The following ERI1 variants were observed in gnomAD, a reference collection of about 807,000 sequenced individuals.
ERI1 encodes the protein exoribonuclease 1, also known as 3'-5' exoribonuclease 1.
A neutral mutation model predicts 39.7 loss-of-function variants in ERI1; 39 were observed. The ratio of observed to expected loss-of-function variants is 0.98; its 90% CI spans 0.76 to 1.28. ERI1 has a LOEUF of 1.28. ERI1 is among the 50% of genes most tolerant of loss of function. The pLI is 0.00. For synonymous variants in ERI1, 204 were observed against 149.6 expected (o/e 1.36, Z -2.65); for missense variants, 581 against 416.9 (o/e 1.39, Z -3.43).
At chr8:9,063,558 A>G (rs1185313131) in intron 3 of ERI1, among the ~76,000 whole-genome samples, 1 of 152,112 alleles carries the variant, frequency 6.6e-6, no homozygotes, top group Non-Finnish European at 1.5e-5. Flanking sequence ...TAGAAAAGGA[A>G]GATTAGAAAG....
chr8:9,016,606 T>G (rs1272942753), intron 4 of ERI1, among the ~76,000 whole-genome samples: 1 of 152,224 alleles, frequency 6.6e-6, no homozygotes, highest in African/African-American at 2.4e-5. Flanking sequence ...CCTTTCCTCT[T>G]AAGGAGTTGT....
intron 3 of ERI1, among the ~76,000 whole-genome samples, chr8:9,046,963 A>G (rs1383866975): frequency 1.3e-5 from 2 of 152,208 alleles, no homozygotes; most frequent in African/African-American, 2.4e-5. Context: ...AGGCTGGCAG[A>G]GGTCTGTGAA....
intron 3 of ERI1, among the ~76,000 whole-genome samples, chr8:9,064,304 G>A (rs1798799333): frequency 6.6e-6 from 1 of 151,940 alleles, no homozygotes; most frequent in African/African-American, 2.4e-5. Flanking sequence ...AGAAGGAGTT[G>A]GGGGGTTCTT....
chr8:9,040,707 C>T (rs1300000073), intron 3 of ERI1, among the ~76,000 whole-genome samples: 2 of 146,438 alleles, frequency 1.4e-5, no homozygotes, highest in Non-Finnish European at 3.0e-5. Flanking sequence ...AAAATGTTTT[C>T]ATCAGTAATA....
chr8:9,054,226 C>A (rs1052716694), intron 3 of ERI1, among the ~76,000 whole-genome samples: 1 of 152,218 alleles, frequency 6.6e-6, no homozygotes, highest in African/African-American at 2.4e-5. Flanking sequence ...ATTTTGGACT[C>A]ATGGCAGGCT....
intron 3 of ERI1, among the ~76,000 whole-genome samples, chr8:9,089,398 C>G (rs976668845): frequency 6.6e-6 from 1 of 152,198 alleles, no homozygotes; most frequent in Non-Finnish European, 1.5e-5. Flanking sequence ...AGCTACCACA[C>G]GCAGCCTGGA....
At position 9,029,950 on chromosome 8, in the gene ERI1, G is replaced by T. The variant is rs1350887894; in HGVS notation, c.966G>T (p.Met322Ile). Residue 322 changes from methionine to isoleucine, a missense_variant, in exon 7 of 7, where the codon ATG becomes ATT. Physicochemically the swap from Met to Ile is conservative, Grantham distance 10. Transcript: ENST00000250263. The stretch of plus-strand genomic sequence containing the variant: ...GTGAACTCCGAATCAACGAGAAAAT[G>T]CATGCAGGACAGCTAATGAGTGTGT... ...DGCELRINEKMHAGQLMSVSS... is the reference protein window; with the variant it reads ...DGCELRINEKIHAGQLMSVSS... 1 of 1,614,154 alleles carries T rather than the reference G, an allele frequency of 6.2e-7. No homozygotes were observed. Among genetic ancestry groups the T allele is most frequent in the Non-Finnish European group, 8.5e-7 (1 of 1,180,020 alleles).
At chr8:9,022,413 G>C (rs765632540) in intron 6 of ERI1, among the ~76,000 whole-genome samples, 12 of 151,930 alleles carry the variant, frequency 7.9e-5, no homozygotes, top group African/African-American at 2.9e-4. Flanking sequence ...TGGTTTATTT[G>C]TCTTTGAGAT....
At position 9,012,778 on chromosome 8, in the gene ERI1, A is replaced by G. The variant is rs148311514; in HGVS notation, c.498+1026A>G. Among the ~76,000 whole-genome samples, 274 of 152,308 alleles carry G rather than the reference A, an allele frequency of 1.8e-3. 11 individuals are homozygous for G. In the East Asian group the frequency reaches 0.047, roughly 26 times the overall value. Reference sequence around the variant, plus strand: ...ATGTTATATTTTTCACACTGTGTAAAAACTTCATCCCACTTCACTGCCAGC... The same window carrying G: ...ATGTTATATTTTTCACACTGTGTAAGAACTTCATCCCACTTCACTGCCAGC... On this transcript the variant is annotated intron_variant, in intron 3 of 6. Transcript: ENST00000250263.
At chr8:9,093,865 T>C (rs1421225742) in intron 3 of ERI1, among the ~76,000 whole-genome samples, 1 of 152,142 alleles carries the variant, frequency 6.6e-6, no homozygotes, top group East Asian at 1.9e-4. Context: ...GCGTGAGCCA[T>C]CATGCCTGGC....
Position 9,029,603 on chromosome 8 carries a change from T to C in ERI1, c.808-189T>C, listed in dbSNP as rs113169625. 9.2e-3 allele frequency among the ~76,000 whole-genome samples: 1,395 copies of C among 152,340 alleles called. 20 individuals are homozygous for C. The highest frequency in any genetic ancestry group is 0.032 in the African/African-American group (1,313 of 41,574). ...ACCTTGGCCTCCCAAAGTGCTGAGATTACAGGCGTGAGCCACCTTGCCTGG... is the reference window on the plus strand; with the variant it reads ...ACCTTGGCCTCCCAAAGTGCTGAGACTACAGGCGTGAGCCACCTTGCCTGG... On this transcript the variant is annotated intron_variant, in intron 6 of 6. Coordinates refer to ENST00000250263, the MANE Select transcript of ERI1 (RefSeq NM_153332.4).
rs534357069 is a variant in ERI1 at position 9,051,709 on chromosome 8, C to G, written n.299+31245C>G. Reference sequence around the variant, plus strand: ...GGGAAACGCCTTCCTCTTGGTCCTGCCTAGAACCACTTCTTTAGTTTTTCT... The same window carrying G: ...GGGAAACGCCTTCCTCTTGGTCCTGGCTAGAACCACTTCTTTAGTTTTTCT... On this transcript the variant is annotated intron_variant and non_coding_transcript_variant, in intron 3 of 3. Coordinates refer to the ERI1 transcript ENST00000518663. Among the ~76,000 whole-genome samples the G allele has an allele frequency of 2.3e-4, 35 of 151,144 alleles. 1 individual carries two copies. In the South Asian group the frequency reaches 7.1e-3, roughly 31 times the overall value.
chr8:9,092,817 C>A (rs1438021190), intron 3 of ERI1, among the ~76,000 whole-genome samples: 1 of 152,166 alleles, frequency 6.6e-6, no homozygotes, highest in Non-Finnish European at 1.5e-5. Flanking sequence ...TTCTTAGGTC[C>A]CAGAATTGTA....
chr8:9,041,406 A>C (rs1038117326), intron 3 of ERI1, among the ~76,000 whole-genome samples: 1 of 152,184 alleles, frequency 6.6e-6, no homozygotes, highest in African/African-American at 2.4e-5. Context: ...CGGCACATGG[A>C]ACATTCTCCA....
At chr8:9,074,064 G>T (rs1353287674) in intron 3 of ERI1, among the ~76,000 whole-genome samples, 1 of 151,940 alleles carries the variant, frequency 6.6e-6, no homozygotes, top group Non-Finnish European at 1.5e-5. Context: ...GGGATTACAG[G>T]TGTATAAGCC....
At chr8:9,060,408 G>T (rs1326412120) in intron 3 of ERI1, among the ~76,000 whole-genome samples, 1 of 152,064 alleles carries the variant, frequency 6.6e-6, no homozygotes, top group African/African-American at 2.4e-5. Context: ...CTGGTGGGGG[G>T]CGGGGGCAAA....
At chr8:9,061,148 C>A (rs1263768088) in intron 3 of ERI1, among the ~76,000 whole-genome samples, 1 of 152,168 alleles carries the variant, frequency 6.6e-6, no homozygotes, top group East Asian at 1.9e-4. Context: ...CATAGCCTGC[C>A]TTTGCTGATG....
chr8:9,020,687 A>G (rs1049039578), intron 6 of ERI1, among the ~76,000 whole-genome samples: 1 of 152,286 alleles, frequency 6.6e-6, no homozygotes, highest in East Asian at 1.9e-4. Flanking sequence ...ATACCTGACA[A>G]GTTTGAAACT....
rs150909839 is a variant in ERI1, at chr8:9,079,343, C to T, written n.300-37005C>T. Among the ~76,000 whole-genome samples, 575 of 152,324 alleles carry T rather than the reference C, an allele frequency of 3.8e-3. 1 individual carries two copies. Among genetic ancestry groups the T allele is most frequent in the Admixed American group, 7.0e-3 (107 of 15,294 alleles). ...TGTGAGCATTTGATTCCGGAAAACA[C>T]TAACATGAGTTCAGCTATAGACCGT... On this transcript the variant is annotated intron_variant and non_coding_transcript_variant, in intron 3 of 3. Coordinates refer to the ERI1 transcript ENST00000518663.
Sources: allele counts gnomAD v4.1 joint callset (sites outside exome capture counted in the v4.1 genomes callset), GRCh38; gene constraint gnomAD v4.1.1; transcripts MANE v1.5; gene names NCBI Gene and HGNC (gene_info 2026-07-23, HGNC 2026-07-21).